RALYL: variants seen among roughly 807,000 people sequenced by gnomAD.
RALYL encodes the protein RNA-binding Raly-like protein.
A neutral mutation model predicts 35.1 loss-of-function variants in RALYL; 29 were observed. The observed-to-expected ratio is 0.83, with a 90% CI of 0.61 to 1.13. The LOEUF (loss-of-function observed/expected upper bound fraction) is 1.13, where lower values mean the gene tolerates loss of function less well. RALYL is among the 50% of genes most tolerant of loss of function. The probability of loss-of-function intolerance (pLI) is 0.00; values close to 1 mark genes in which losing one functional copy is unlikely to be tolerated. For synonymous variants in RALYL, 120 were observed against 127.6 expected (o/e 0.94, Z 0.40); for missense variants, 359 against 360.4 (o/e 1.00, Z 0.03).
intron 2 of RALYL, among the ~76,000 whole-genome samples, chr8:84,684,442 G>A (rs771118944): frequency 2.0e-5 from 3 of 152,102 alleles, no homozygotes; most frequent in Admixed American, 6.6e-5. Flanking sequence ...TGAAAGCACC[G>A]ACTAGCCTGA....
chr8:84,185,100 T>G (rs369124412), intron 1 of RALYL: 97 of 1,461,964 alleles, frequency 6.6e-5, no homozygotes, highest in Non-Finnish European at 8.8e-5. Context: ...TTCCCTGTTG[T>G]GTTGCGTTGG....
chr8:84,718,346 T>G (rs575961106), intron 2 of RALYL, among the ~76,000 whole-genome samples: 1 of 152,336 alleles, frequency 6.6e-6, no homozygotes, highest in South Asian at 2.1e-4. Context: ...TCCTTGTAGG[T>G]ATTCTGGGTC....
At chr8:84,250,317 T>C (rs1240830584) in intron 1 of RALYL, among the ~76,000 whole-genome samples, 2 of 152,084 alleles carry the variant, frequency 1.3e-5, no homozygotes, top group East Asian at 3.9e-4. Flanking sequence ...TTTGTTTAAT[T>C]TATATTGAAA....
intron 2 of RALYL, among the ~76,000 whole-genome samples, chr8:84,572,865 C>A (rs1808348204): frequency 6.6e-6 from 1 of 151,128 alleles, no homozygotes; most frequent in African/African-American, 2.4e-5. Flanking sequence ...TGTTCTATTT[C>A]CTTTTTTTTC....
At chr8:84,834,806 T>C (rs934072957) in intron 4 of RALYL, among the ~76,000 whole-genome samples, 1 of 152,226 alleles carries the variant, frequency 6.6e-6, no homozygotes, top group African/African-American at 2.4e-5. Flanking sequence ...CACTTTACTT[T>C]TCTACAGAAA....
intron 3 of RALYL, among the ~76,000 whole-genome samples, chr8:84,797,375 A>C (rs1822189662): frequency 6.6e-6 from 1 of 152,210 alleles, no homozygotes; most frequent in South Asian, 2.1e-4. Flanking sequence ...GGCTTTAAAC[A>C]AATTACTAGG....
rs146057058 is a variant in RALYL at position 84,834,490 on chromosome 8, T to C, written c.366-15490T>C. Among the ~76,000 whole-genome samples the C allele has an allele frequency of 5.5e-3, 838 of 152,310 alleles. 12 individuals are homozygous for C. The highest frequency in any genetic ancestry group is 0.044 in the Middle Eastern group (13 of 294). On this transcript the variant is annotated intron_variant, in intron 4 of 8. Coordinates refer to ENST00000521268, the MANE Select transcript of RALYL (RefSeq NM_173848.7). ...AGATGCCCATGGTTATCACTGGGCC[T>C]CTGATAAGCTGCTGGTAGCTGTGCC... is the stretch of plus-strand genomic sequence containing the variant.
chr8:84,347,606 A>G (rs1850081034), intron 1 of RALYL, among the ~76,000 whole-genome samples: 1 of 152,066 alleles, frequency 6.6e-6, no homozygotes, highest in East Asian at 1.9e-4. Flanking sequence ...CTCTCAAACT[A>G]GTTTTGCCCA....
chr8:84,572,644 G>T (rs1808293842), intron 2 of RALYL, among the ~76,000 whole-genome samples: 1 of 151,664 alleles, frequency 6.6e-6, no homozygotes. Context: ...AGAATCCTCT[G>T]TTCTGATTTA....
intron 2 of RALYL, among the ~76,000 whole-genome samples, chr8:84,736,306 A>G (rs1847301434): frequency 6.6e-6 from 1 of 152,100 alleles, no homozygotes; most frequent in Non-Finnish European, 1.5e-5. Flanking sequence ...CAACAATTCT[A>G]TCTATTACGT....
intron 1 of RALYL, among the ~76,000 whole-genome samples, chr8:84,395,777 C>G (rs1378602208): frequency 6.6e-6 from 1 of 151,692 alleles, no homozygotes; most frequent in Admixed American, 6.6e-5. Flanking sequence ...GTGAAATAAT[C>G]TTTGGTAAAA....
In RALYL at chr8:84,890,633, A is replaced by G. The variant is rs889993083; in HGVS notation, c.858+2857A>G. On this transcript the variant is annotated intron_variant, in intron 8 of 8. Coordinates refer to ENST00000521268, the MANE Select transcript of RALYL (RefSeq NM_173848.7). ...GCTGAAGGGGGCTCTAGGAATTTGT[A>G]TTTGTAACATGTTCCTAAATTATAC... Among the ~76,000 whole-genome samples the G allele has an allele frequency of 2.2e-4, 33 of 152,076 alleles. 1 individual carries two copies. The highest frequency in any genetic ancestry group is 1.5e-3 in the Admixed American group (23 of 15,244).
intron 2 of RALYL, among the ~76,000 whole-genome samples, chr8:84,697,880 C>T (rs1839445518): frequency 6.6e-6 from 1 of 152,020 alleles, no homozygotes; most frequent in African/African-American, 2.4e-5. Context: ...TATCAGAATG[C>T]ATTCTCTATT....
intron 2 of RALYL, among the ~76,000 whole-genome samples, chr8:84,567,870 T>C (rs961571389): frequency 6.6e-6 from 1 of 151,574 alleles, no homozygotes; most frequent in African/African-American, 2.4e-5. Flanking sequence ...CCAACATCTG[T>C]TATTTGTTGA....
chr8:84,363,673 TATG>T (rs1011189353), intron 1 of RALYL, among the ~76,000 whole-genome samples: 1 of 151,986 alleles, frequency 6.6e-6, no homozygotes. Flanking sequence ...CTCAGAGAGG[TATG>T]AGGAGGGGTT....
At chr8:84,865,445 A>C (rs1409294759) in intron 6 of RALYL, among the ~76,000 whole-genome samples, 1 of 152,216 alleles carries the variant, frequency 6.6e-6, no homozygotes, top group Non-Finnish European at 1.5e-5. Flanking sequence ...GGAGAAAACT[A>C]TATAAAGAAA....
intron 7 of RALYL, among the ~76,000 whole-genome samples, chr8:84,873,604 T>C (rs538645866): frequency 4.6e-5 from 7 of 152,306 alleles, no homozygotes; most frequent in Admixed American, 3.9e-4. Context: ...CTAAGGTTCA[T>C]ACTAAAAATA....
At chr8:84,491,620 C>T (rs1237413888) in intron 1 of RALYL, among the ~76,000 whole-genome samples, 1 of 151,878 alleles carries the variant, frequency 6.6e-6, no homozygotes, top group Non-Finnish European at 1.5e-5. Context: ...CAGAATTTCC[C>T]CTTGCTTTAA....
chr8:84,295,638 G>A (rs1563684720), intron 1 of RALYL, among the ~76,000 whole-genome samples: 1 of 151,924 alleles, frequency 6.6e-6, no homozygotes, highest in Non-Finnish European at 1.5e-5. Flanking sequence ...GACCAACTGT[G>A]GGAGTAGACA....
Sources: gnomAD v4.1 joint callset for allele counts (sites outside exome capture counted in the v4.1 genomes callset) on GRCh38, gnomAD v4.1.1 for gene constraint, MANE v1.5 for transcripts, NCBI Gene and HGNC (gene_info 2026-07-23, HGNC 2026-07-21) for gene names.